The following LIN52 variants were observed in gnomAD, a reference collection of about 807,000 sequenced individuals.
LIN52 encodes the protein protein lin-52 homolog.
LIN52 carries 4 observed loss-of-function variants against 18.5 expected under a neutral mutation model. The observed-to-expected ratio is 0.22, with a 90% CI of 0.11 to 0.49. LIN52 has a LOEUF of 0.49. Among genes scored for constraint, LIN52 ranks in the 20% least tolerant of loss-of-function variants. The probability of loss-of-function intolerance (pLI) is 0.97; values close to 1 mark genes in which losing one functional copy is unlikely to be tolerated. For missense variants in LIN52, 102 were observed against 139.5 expected, an observed-to-expected ratio of 0.73 and a Z score of 1.35; for synonymous variants, 34 against 45.5, an observed-to-expected ratio of 0.75 and a Z score of 1.02.
intron 5 of LIN52, among the ~76,000 whole-genome samples, chr14:74,165,284 CAA>C (rs2061243568): frequency 6.6e-6 from 1 of 152,018 alleles, no homozygotes; most frequent in Non-Finnish European, 1.5e-5. Flanking sequence ...AAAAAAGAGT[CAA>C]GTTATCACTT....
intron 5 of LIN52, among the ~76,000 whole-genome samples, chr14:74,197,963 G>A (rs868486165): frequency 2.6e-5 from 4 of 152,194 alleles, no homozygotes; most frequent in African/African-American, 4.8e-5. Context: ...TGGCCAGGAC[G>A]GAGATGTGTT....
chr14:74,181,030 G>A lies in LIN52; in HGVS notation c.284-17892G>A, dbSNP rs901972200. On this transcript the variant is annotated intron_variant, in intron 5 of 5. Transcript: ENST00000555028. ...ACTGAGAGGTGGGAGGATCACTTGA[G>A]CCAGGAGGTAGAAGCTACAGTGAGC... is the stretch of plus-strand genomic sequence containing the variant. Among the ~76,000 whole-genome samples, 15 of 147,958 alleles carry A rather than the reference G, an allele frequency of 1.0e-4. 1 individual carries two copies. The highest frequency in any genetic ancestry group is 2.1e-4 in the Non-Finnish European group (14 of 67,552).
At chr14:74,177,555 CTG>C (rs1233491729) in intron 5 of LIN52, among the ~76,000 whole-genome samples, 1 of 152,172 alleles carries the variant, frequency 6.6e-6, no homozygotes, top group Non-Finnish European at 1.5e-5. Flanking sequence ...TATTTAGAAA[CTG>C]TGACTTAGTA....
chr14:74,108,860 CTTT>C (rs2060911897), intron 5 of LIN52, among the ~76,000 whole-genome samples: 1 of 152,112 alleles, frequency 6.6e-6, no homozygotes, highest in East Asian at 1.9e-4. Context: ...TATGGGTTGT[CTTT>C]TTACTTTCTT....
rs186195042 is a variant in LIN52 at position 74,127,907 on chromosome 14, T to A, written c.283+26669T>A. ...AGAGAATAAGTCTTGATGGACTGGC[T>A]GTGGGAAAGGGGAGAAGGGTGTCAG... On this transcript the variant is annotated intron_variant, in intron 5 of 5. Coordinates refer to ENST00000555028, the MANE Select transcript of LIN52 (RefSeq NM_001024674.3). 1.1e-4 allele frequency among the ~76,000 whole-genome samples: 17 copies of A among 152,078 alleles called. No individual in the cohort carries two copies. The East Asian group carries it at 1.9e-3, about 17-fold the overall frequency.
intron 5 of LIN52, among the ~76,000 whole-genome samples, chr14:74,161,844 G>T (rs1178436605): frequency 6.6e-6 from 1 of 152,204 alleles, no homozygotes; most frequent in Non-Finnish European, 1.5e-5. Flanking sequence ...GCACAGAAGA[G>T]CCACACGGTG....
rs71460958 is a variant in LIN52, at chr14:74,130,278, G to GTTTTTTTT, written c.283+29051_283+29058dup. Among the ~76,000 whole-genome samples, 640 of 64,696 alleles carry GTTTTTTTT rather than the reference G, an allele frequency of 9.9e-3. 99 individuals are homozygous for GTTTTTTTT. The highest frequency in any genetic ancestry group is 0.038 in the African/African-American group (600 of 15,766). The allele number at this position is 64,696 out of a possible 152,430, so 42.4% of individuals were successfully genotyped here. On this transcript the variant is annotated intron_variant, in intron 5 of 5. Coordinates refer to ENST00000555028, the MANE Select transcript of LIN52 (RefSeq NM_001024674.3). ...GAATTTATTAGATAGGCATTTTTTG[G>GTTTTTTTT]TTTTTTTTTTTTTTTTTTGAGACAG...
intron 5 of LIN52, among the ~76,000 whole-genome samples, chr14:74,180,501 A>G (rs2358632): frequency 0.78 from 117,589 of 151,490 alleles, 45,927 homozygotes; most frequent in Admixed American, 0.81. Context: ...CTCGTGATCC[A>G]CTCGCCTCGG....
At chr14:74,161,564 C>T (rs996748037) in intron 5 of LIN52, among the ~76,000 whole-genome samples, 1 of 152,208 alleles carries the variant, frequency 6.6e-6, no homozygotes, top group African/African-American at 2.4e-5. Context: ...GAAGAGTCAA[C>T]GGTGTACAGA....
chr14:74,097,620 G>C (rs1020562034), intron 3 of LIN52, among the ~76,000 whole-genome samples, 174 bp from the exon 4 acceptor site: 1 of 151,878 alleles, frequency 6.6e-6, no homozygotes, highest in Non-Finnish European at 1.5e-5. Context: ...ATTTTTAGTA[G>C]AGATGGGGTT....
chr14:74,085,334 A>T (rs2060719000), intron 1 of LIN52: 1 of 247,060 alleles, frequency 4.0e-6, no homozygotes, highest in Non-Finnish European at 7.7e-6. Flanking sequence ...GACGTGGCTT[A>T]CTGTAGTTTT....
At chr14:74,184,025 T>C (rs1420591261) in intron 5 of LIN52, among the ~76,000 whole-genome samples, 1 of 152,224 alleles carries the variant, frequency 6.6e-6, no homozygotes, top group African/African-American at 2.4e-5. Flanking sequence ...TCTCTGTAAC[T>C]GCACCCCCTA....
intron 5 of LIN52, among the ~76,000 whole-genome samples, chr14:74,140,028 A>G (rs1277056674): frequency 1.3e-5 from 2 of 152,096 alleles, no homozygotes; most frequent in African/African-American, 4.8e-5. Context: ...TATAATTAAT[A>G]TAAAGCCACA....
In LIN52 at chr14:74,144,784, G is replaced by A. The variant is rs116310415; in HGVS notation, c.283+43546G>A. On this transcript the variant is annotated intron_variant, in intron 5 of 5. Coordinates refer to ENST00000555028, the MANE Select transcript of LIN52 (RefSeq NM_001024674.3). Reference sequence around the variant, plus strand: ...TTTGGTATGAATTATTCTATAATTAGAAGTAAGTAAAGTATTCTCCCACTA... The same window carrying A: ...TTTGGTATGAATTATTCTATAATTAAAAGTAAGTAAAGTATTCTCCCACTA... Among the ~76,000 whole-genome samples the A allele has an allele frequency of 4.7e-3, 714 of 152,264 alleles. 2 individuals carry two copies. The highest frequency in any genetic ancestry group is 0.015 in the African/African-American group (603 of 41,532).
chr14:74,169,424 C>A (rs558034485), intron 5 of LIN52, among the ~76,000 whole-genome samples: 13 of 152,170 alleles, frequency 8.5e-5, no homozygotes, highest in African/African-American at 2.9e-4. Flanking sequence ...TTGTAAGGAA[C>A]CTTCAGCCTT....
At chr14:74,132,641 T>C (rs1780840794) in intron 5 of LIN52, among the ~76,000 whole-genome samples, 1 of 152,138 alleles carries the variant, frequency 6.6e-6, no homozygotes, top group African/African-American at 2.4e-5. Context: ...CCCGAGTAGC[T>C]AGGACTACAG....
chr14:74,181,180 C>A (rs1175679432), intron 5 of LIN52, among the ~76,000 whole-genome samples: 3 of 150,742 alleles, frequency 2.0e-5, no homozygotes, highest in African/African-American at 7.3e-5. Flanking sequence ...GTGGCTCACA[C>A]CTGTAATCCC....
rs765460206 is a variant in LIN52 at position 74,198,952 on chromosome 14, A to C, written c.314A>C (p.Asn105Thr). ...GAGATGACACGGGGGAAATTCCTCA[A>C]TATTCTAGAGAAGCCCAAGAAGTAG... Reference protein sequence around the residue: ...SREMTRGKFLNILEKPKK With the variant: ...SREMTRGKFLTILEKPKK Residue 105 changes from asparagine (N) to threonine (T), a missense_variant, in exon 6 of 6, where the codon AAT becomes ACT. Asn to Thr is a moderately conservative substitution (Grantham distance 65, BLOSUM62 0). Transcript: ENST00000555028. 1 of 1,613,382 alleles carries C rather than the reference A, an allele frequency of 6.2e-7. No individual in the cohort carries two copies. The highest frequency in any genetic ancestry group is 8.5e-7 in the Non-Finnish European group (1 of 1,179,488).
chr14:74,196,142 G>A (rs1595195712), intron 5 of LIN52, among the ~76,000 whole-genome samples: 1 of 152,262 alleles, frequency 6.6e-6, no homozygotes, highest in Admixed American at 6.5e-5. Context: ...GTGGTTTCCT[G>A]CAGCTCTGTG....
Sources: gnomAD v4.1 joint callset for allele counts (sites outside exome capture counted in the v4.1 genomes callset) on GRCh38, gnomAD v4.1.1 for gene constraint, MANE v1.5 for transcripts, NCBI Gene and HGNC (gene_info 2026-07-23, HGNC 2026-07-21) for gene names.